The following FREM2 variants were observed in gnomAD, a reference collection of about 807,000 sequenced individuals.
The protein encoded by FREM2 is FRAS1-related extracellular matrix protein 2.
A neutral mutation model predicts 219.9 loss-of-function variants in FREM2; 119 were observed. That is an observed-to-expected ratio of 0.54 (90% CI 0.47 to 0.63). FREM2 has a LOEUF of 0.63. Among genes scored for constraint, FREM2 ranks in the 30% least tolerant of loss-of-function variants. The probability of loss-of-function intolerance (pLI) is 0.00; values close to 1 mark genes in which losing one functional copy is unlikely to be tolerated. For missense variants in FREM2, 4,030 were observed against 3,993.6 expected, an observed-to-expected ratio of 1.01 and a Z score of -0.25; for synonymous variants, 1,562 against 1,522.8, an observed-to-expected ratio of 1.03 and a Z score of -0.60.
Position 38,687,185 on chromosome 13 carries a change from C to T in FREM2, c.-160C>T, listed in dbSNP as rs1390984182. ...TGCGGCTCCAGCCCGGACGGCGCCG[C>T]GCAACTTTGCCATCCTTCTGGCCCA... On this transcript the variant is annotated 5_prime_UTR_variant, in exon 1 of 24. Coordinates refer to ENST00000280481, the MANE Select transcript of FREM2 (RefSeq NM_207361.6). 4.9e-6 allele frequency: 5 copies of T among 1,029,486 alleles called. No homozygotes were observed. The highest frequency in any genetic ancestry group is 4.7e-5 in the South Asian group (3 of 63,714). The allele number at this position is 1,029,486 out of a possible 1,614,324, so 63.8% of individuals were successfully genotyped here. A position where few individuals can be genotyped will look rare whatever the true frequency, so the allele number is the denominator to read the frequency against.
intron 16 of FREM2, among the ~76,000 whole-genome samples, chr13:38,868,150 A>G (rs139567422): frequency 3.3e-5 from 5 of 152,336 alleles, no homozygotes; most frequent in Middle Eastern, 3.4e-3. Context: ...TTATTTACAC[A>G]TAGGTGAGGG....
chr13:38,694,515 C>CTATTTCCACT, intron 1 of FREM2, among the ~76,000 whole-genome samples: 1 of 152,154 alleles, frequency 6.6e-6, no homozygotes, highest in African/African-American at 2.4e-5. Flanking sequence ...GAAATGAAAG[C>CTATTTCCACT]AGTGCTTAAG....
At chr13:38,775,407 C>T (rs946000566) in intron 4 of FREM2, among the ~76,000 whole-genome samples, 1 of 152,094 alleles carries the variant, frequency 6.6e-6, no homozygotes, top group Non-Finnish European at 1.5e-5. Flanking sequence ...TAAAAAGAAA[C>T]TATCAGTGTG....
chr13:38,691,553 T>C lies in FREM2; in HGVS notation c.4209T>C (p.Asn1403=). The C allele has an allele frequency of 6.2e-7, 1 of 1,614,096 alleles. No individual in the cohort carries two copies. The highest frequency in any genetic ancestry group is 8.5e-7 in the Non-Finnish European group (1 of 1,180,028). ...LIKFDVTDGI[N]PLIDRYFYVS... is the part of the protein sequence containing the mutation. ...AATTTGATGTGACTGATGGAATAAA[T>C]CCCCTCATAGATCGTTACTTTTATG... The change falls in exon 1 of 24, where the codon AAT becomes AAC. Residue 1403 remains asparagine, a synonymous_variant. Transcript: ENST00000280481.
In FREM2 at chr13:38,769,733, G is replaced by A; in HGVS notation, c.5566G>A (p.Val1856Ile). 1 of 1,614,146 alleles carries A rather than the reference G, an allele frequency of 6.2e-7. No individual in the cohort carries two copies. The highest frequency in any genetic ancestry group is 1.7e-5 in the Admixed American group (1 of 60,026). The change falls in exon 4 of 24, where the codon GTA (valine) becomes ATA (isoleucine). Residue 1856 changes from valine (V) to isoleucine (I), a missense_variant. Transcript: ENST00000280481. ...TGAGCAGTCTGAAACCTTTCAGGTG[G>A]TACTCTCAGAGCCCGTGCTGGCTGC... Reference protein sequence around the residue: ...EHEQSETFQVVLSEPVLAALE... With the variant: ...EHEQSETFQVILSEPVLAALE...
intron 2 of FREM2, among the ~76,000 whole-genome samples, chr13:38,758,460 A>AT (rs1331533837): frequency 6.6e-6 from 1 of 152,012 alleles, no homozygotes; most frequent in Non-Finnish European, 1.5e-5. Context: ...CCCACAGCTC[A>AT]TTATCAGTGC....
At chr13:38,796,861 T>C (rs1874809662) in intron 6 of FREM2, among the ~76,000 whole-genome samples, 1 of 152,106 alleles carries the variant, frequency 6.6e-6, no homozygotes, top group Non-Finnish European at 1.5e-5. Context: ...TTTCTGGGTT[T>C]TTTGTTTGTT....
rs140124369 is a variant in FREM2 at position 38,836,302 on chromosome 13, G to A, written c.6020-10271G>A. Among the ~76,000 whole-genome samples, 898 of 152,138 alleles carry A rather than the reference G, an allele frequency of 5.9e-3. 7 individuals carry two copies. Among genetic ancestry groups the A allele is most frequent in the African/African-American group, 0.02 (840 of 41,518 alleles). On this transcript the variant is annotated intron_variant, in intron 6 of 23. Coordinates refer to ENST00000280481, the MANE Select transcript of FREM2 (RefSeq NM_207361.6). The stretch of plus-strand genomic sequence containing the variant: ...TCCCAGGGAAGAGGCCGACTTGATC[G>A]TAGTAGATAAGCTTTTTAATGTGCT...
At chr13:38,791,066 C>T (rs1236214513) in intron 6 of FREM2, among the ~76,000 whole-genome samples, 1 of 152,120 alleles carries the variant, frequency 6.6e-6, no homozygotes, top group Non-Finnish European at 1.5e-5. Context: ...ACTGAAACAG[C>T]TTACTTCTCA....
At chr13:38,865,032 C>G (rs1205305196) in intron 16 of FREM2, among the ~76,000 whole-genome samples, 1 of 152,080 alleles carries the variant, frequency 6.6e-6, no homozygotes, top group African/African-American at 2.4e-5. Context: ...ATTTTTCTCC[C>G]TCTTTTCTGA....
chr13:38,712,632 ACTCT>A (rs1422138076), intron 2 of FREM2, among the ~76,000 whole-genome samples: 1 of 128,750 alleles, frequency 7.8e-6, no homozygotes, highest in African/African-American at 3.0e-5. Context: ...TCTGTCTCTT[ACTCT>A]CTCTTTCTCT....
At chr13:38,714,430 A>G (rs1330326952) in intron 2 of FREM2, among the ~76,000 whole-genome samples, 1 of 152,224 alleles carries the variant, frequency 6.6e-6, no homozygotes, top group Non-Finnish European at 1.5e-5. Flanking sequence ...TATTCCATTC[A>G]AATGTATAAA....
chr13:38,814,138 CT>C (rs1296646396), intron 6 of FREM2, among the ~76,000 whole-genome samples: 2 of 152,094 alleles, frequency 1.3e-5, no homozygotes, highest in African/African-American at 4.8e-5. Context: ...TTCAAAATAG[CT>C]CTTTTGAATT....
chr13:38,734,444 C>T (rs576515535), intron 2 of FREM2, among the ~76,000 whole-genome samples: 2 of 152,068 alleles, frequency 1.3e-5, no homozygotes, highest in Non-Finnish European at 2.9e-5. Flanking sequence ...TAACCCTGCA[C>T]CCTTTTGTGA....
At chr13:38,792,336 A>C (rs1874595493) in intron 6 of FREM2, among the ~76,000 whole-genome samples, 1 of 152,184 alleles carries the variant, frequency 6.6e-6, no homozygotes. Flanking sequence ...GCAACAAGCA[A>C]GACTCGGTCT....
chr13:38,863,438 T>G (rs1259652506), intron 15 of FREM2, among the ~76,000 whole-genome samples: 1 of 152,228 alleles, frequency 6.6e-6, no homozygotes, highest in African/African-American at 2.4e-5. Flanking sequence ...CTATAAATAT[T>G]TATTGGATTT....
intron 6 of FREM2, among the ~76,000 whole-genome samples, chr13:38,831,116 T>C (rs1259843313): frequency 3.9e-5 from 6 of 152,132 alleles, no homozygotes; most frequent in East Asian, 3.9e-4. Flanking sequence ...GAGAAATCAA[T>C]TAGTAGGTCA....
intron 6 of FREM2, among the ~76,000 whole-genome samples, chr13:38,831,776 AT>A (rs112586863): frequency 0.021 from 3,008 of 142,352 alleles, 89 homozygotes; most frequent in African/African-American, 0.072. Context: ...GCCAGACTGA[AT>A]TTTTTTTTTT....
chr13:38,818,348 G>T (rs940830840), intron 6 of FREM2, among the ~76,000 whole-genome samples: 1 of 152,068 alleles, frequency 6.6e-6, no homozygotes, highest in Non-Finnish European at 1.5e-5. Flanking sequence ...ATACTATACA[G>T]TCATAAAACA....
Sources: allele counts gnomAD v4.1 joint callset (sites outside exome capture counted in the v4.1 genomes callset), GRCh38; gene constraint gnomAD v4.1.1; transcripts MANE v1.5; gene names NCBI Gene and HGNC (gene_info 2026-07-23, HGNC 2026-07-21).